Variants in ZNF154 observed in about 807,000 individuals in gnomAD.
ZNF154 encodes zinc finger protein 154.
Under a neutral mutation model 7.5 loss-of-function variants are expected in ZNF154, and 6 were observed. The observed-to-expected ratio is 0.80, with a 90% CI of 0.44 to 1.57. The LOEUF is 1.57. Among genes scored for constraint, ZNF154 ranks in the 40% most tolerant of loss-of-function variants. The probability of loss-of-function intolerance (pLI) is 0.01; values close to 1 mark genes in which losing one functional copy is unlikely to be tolerated. For missense variants in ZNF154, 485 were observed against 531.4 expected, an observed-to-expected ratio of 0.91 and a Z score of 0.86; for synonymous variants, 187 against 185.9, an observed-to-expected ratio of 1.01 and a Z score of -0.05.
chr19:57,707,693 C>T (rs1985447775), intron 1 of ZNF154, among the ~76,000 whole-genome samples: 1 of 152,206 alleles, frequency 6.6e-6, no homozygotes, highest in Non-Finnish European at 1.5e-5. Flanking sequence ...TGACTCCTTC[C>T]CCCTGCTCTT....
Position 57,700,454 on chromosome 19 carries a change from AT to A in ZNF154, c.*1180del, listed in dbSNP as rs1985077562. 1 of 152,218 alleles carries A rather than the reference AT, an allele frequency of 6.6e-6. No homozygotes were observed. The highest frequency in any genetic ancestry group is 1.5e-5 in the Non-Finnish European group (1 of 68,030). The allele number at this position is 152,218 out of a possible 1,614,324, so 9.4% of individuals were successfully genotyped here. A position where few individuals can be genotyped will look rare whatever the true frequency, so the allele number is the denominator to read the frequency against. On this transcript the variant is annotated 3_prime_UTR_variant, in exon 3 of 3. Transcript: ENST00000684351. Reference sequence around the variant, plus strand: ...ATGGAAACCTCTGTAAAAGGGGCACATTCTATTTATTGCAGTGTTATTGCAG... The same window carrying A: ...ATGGAAACCTCTGTAAAAGGGGCACATCTATTTATTGCAGTGTTATTGCAG...
rs781064572 is a variant in ZNF154 at position 57,704,970 on chromosome 19, T to A, written c.43A>T (p.Thr15Ser). The change falls in exon 2 of 3, where the codon ACC (threonine) becomes TCC (serine). Residue 15 changes from threonine to serine, a missense_variant. By Grantham distance (58) the Thr-to-Ser change is moderately conservative. Coordinates refer to ENST00000684351, the MANE Select transcript of ZNF154 (RefSeq NM_001085384.3). ...AAGTGTACGGCCACATCTTCAAAGG[T>A]CACAGTGCCCTGCCACAATGGGAAC... ...TLRTPTQGTV[T>S]FEDVAVHFSW... The A allele has an allele frequency of 6.2e-7, 1 of 1,610,550 alleles. No homozygotes were observed. Among genetic ancestry groups the A allele is most frequent in the African/African-American group, 1.3e-5 (1 of 74,498 alleles).
At chr19:57,705,016 C>T (rs770507977) in intron 1 of ZNF154, 37 bp from the exon 2 acceptor site, 38 of 1,584,006 alleles carry the variant, frequency 2.4e-5, no homozygotes, top group Admixed American at 9.6e-5. Flanking sequence ...ACCAAGAGCC[C>T]CTATCCCAAG....
intron 1 of ZNF154, among the ~76,000 whole-genome samples, chr19:57,708,541 C>G (rs1216465073): frequency 6.6e-6 from 1 of 152,124 alleles, no homozygotes; most frequent in Non-Finnish European, 1.5e-5. Context: ...TCATTGCACT[C>G]CAGCCTGGGC....
At chr19:57,703,479 C>T (rs1233281748) in intron 2 of ZNF154, among the ~76,000 whole-genome samples, 6 of 81,220 alleles carry the variant, frequency 7.4e-5, no homozygotes, top group Admixed American at 2.9e-4. Context: ...AAGGAGACTC[C>T]GTCTCAAAAA....
chr19:57,702,911 T>TG, intron 2 of ZNF154, 123 bp from the exon 3 acceptor site: 1 of 919,214 alleles, frequency 1.1e-6, no homozygotes, highest in Non-Finnish European at 1.6e-6. Context: ...CGTCTCACAG[T>TG]GGTGGGCCTT....
At position 57,696,851 on chromosome 19, in the gene ZNF154, C is replaced by G. The variant is rs145464607; in HGVS notation, c.*4784G>C. 6.6e-6 allele frequency among the ~76,000 whole-genome samples: 1 copy of G among 152,334 alleles called. No homozygotes were observed. Among genetic ancestry groups the G allele is most frequent in the African/African-American group, 2.4e-5 (1 of 41,584 alleles). On this transcript the variant is annotated 3_prime_UTR_variant, in exon 3 of 3. Coordinates refer to ENST00000684351, the MANE Select transcript of ZNF154 (RefSeq NM_001085384.3). The stretch of plus-strand genomic sequence containing the variant: ...CCTTGGAAAGAAATCAGGGCTCCAA[C>G]TAGAGCTGCCTTGCTGGAAGCTCGC...
rs567283227 is a variant in ZNF154, at chr19:57,697,774, G to A, written c.*3861C>T. ...GGTGAAGGAAAAAAAAATAGTGAAG[G>A]AAGACTGGAGAAAGGTTCATCTGGC... On this transcript the variant is annotated 3_prime_UTR_variant, in exon 3 of 3. Coordinates refer to ENST00000684351, the MANE Select transcript of ZNF154 (RefSeq NM_001085384.3). The A allele has an allele frequency of 6.6e-6, 1 of 152,188 alleles. No individual in the cohort carries two copies. Among genetic ancestry groups the A allele is most frequent in the African/African-American group, 2.4e-5 (1 of 41,526 alleles). The allele number at this position is 152,188 out of a possible 1,614,324, so 9.4% of individuals were successfully genotyped here. A position where few individuals can be genotyped will look rare whatever the true frequency, so the allele number is the denominator to read the frequency against.
At position 57,699,542 on chromosome 19, in the gene ZNF154, C is replaced by T; in HGVS notation, c.*2093G>A. 1 of 273,222 alleles carries T rather than the reference C, an allele frequency of 3.7e-6. No homozygotes were observed. Among genetic ancestry groups the T allele is most frequent in the South Asian group, 3.6e-5 (1 of 27,974 alleles). The allele number at this position is 273,222 out of a possible 1,614,324, so 16.9% of individuals were successfully genotyped here. ...CAAGAGCCTTGAAGAGAAGTAGTGG[C>T]CAGCCACTGGAAGTTGACAATGACC... is the stretch of plus-strand genomic sequence containing the variant. On this transcript the variant is annotated 3_prime_UTR_variant, in exon 3 of 3. Transcript: ENST00000684351.
chr19:57,708,489 C>T (rs1985486956), intron 1 of ZNF154, among the ~76,000 whole-genome samples: 1 of 152,130 alleles, frequency 6.6e-6, no homozygotes, highest in Admixed American at 6.5e-5. Context: ...AGGAGAATCG[C>T]TTGAACCCGG....
rs961021536 is a variant in ZNF154, at chr19:57,697,088, C to A, written c.*4547G>T. Among the ~76,000 whole-genome samples, 1 of 152,176 alleles carries A rather than the reference C, an allele frequency of 6.6e-6. No individual in the cohort carries two copies. Among genetic ancestry groups the A allele is most frequent in the African/African-American group, 2.4e-5 (1 of 41,434 alleles). On this transcript the variant is annotated 3_prime_UTR_variant, in exon 3 of 3. Transcript: ENST00000684351. ...TTATCTTGAAAACGTGTGTAATGGGCTACATCTGCTAGGCCATATGAAGGA... is the reference window on the plus strand; with the variant it reads ...TTATCTTGAAAACGTGTGTAATGGGATACATCTGCTAGGCCATATGAAGGA...
At position 57,701,611 on chromosome 19, in the gene ZNF154, C is replaced by T; in HGVS notation, c.*24G>A. On this transcript the variant is annotated 3_prime_UTR_variant, in exon 3 of 3. Coordinates refer to ENST00000684351, the MANE Select transcript of ZNF154 (RefSeq NM_001085384.3). ...TTTCTCCAGGGTGCTAACAGATTTTCCACATTTGCCACTCATAAGGCTTTT... is the reference window on the plus strand; with the variant it reads ...TTTCTCCAGGGTGCTAACAGATTTTTCACATTTGCCACTCATAAGGCTTTT... The T allele has an allele frequency of 2.5e-6, 4 of 1,600,292 alleles. No homozygotes were observed. Among genetic ancestry groups the T allele is most frequent in the Non-Finnish European group, 3.4e-6 (4 of 1,171,322 alleles).
rs543379660 is a variant in ZNF154, at chr19:57,704,035, A to G, written c.160+818T>C. ...AAAAAAAAGAGTATGTGCATACCTC[A>G]TGACACACTATATAGAGGCTAACGT... On this transcript the variant is annotated intron_variant, in intron 2 of 2. Coordinates refer to ENST00000684351, the MANE Select transcript of ZNF154 (RefSeq NM_001085384.3). Among the ~76,000 whole-genome samples the G allele has an allele frequency of 7.9e-4, 121 of 152,308 alleles. 2 individuals are homozygous for G. Among genetic ancestry groups the G allele is most frequent in the East Asian group, 2.3e-3 (12 of 5,186 alleles).
At position 57,702,757 on chromosome 19, in the gene ZNF154, T is replaced by C; in HGVS notation, c.192A>G (p.Glu64=). Residue 64 remains glutamate, a synonymous_variant, in exon 3 of 3, where the codon GAA becomes GAG. Coordinates refer to ENST00000684351, the MANE Select transcript of ZNF154 (RefSeq NM_001085384.3). ...TGCCCACATTGCTTCTGAAATGTTT[T>C]TCTCCAAGGTGCTGCTTCTGATGAT... ...DVHHQKQHLG[E]KHFRSNVGRA... The C allele has an allele frequency of 6.2e-7, 1 of 1,602,328 alleles. No homozygotes were observed. Among genetic ancestry groups the C allele is most frequent in the Middle Eastern group, 1.7e-4 (1 of 6,026 alleles).
At chr19:57,702,825 C>T (rs768532739) in intron 2 of ZNF154, 37 bp from the exon 3 acceptor site, 1 of 1,562,090 alleles carries the variant, frequency 6.4e-7, no homozygotes, top group East Asian at 2.3e-5. Context: ...CATGCCCCAC[C>T]TCTATATAAT....
intron 1 of ZNF154, among the ~76,000 whole-genome samples, chr19:57,706,315 G>A (rs1876505020): frequency 6.6e-6 from 1 of 152,124 alleles, no homozygotes; most frequent in African/African-American, 2.4e-5. Flanking sequence ...AACCACATGT[G>A]CATCTCAGAT....
At chr19:57,703,063 A>G (rs1370269259) in intron 2 of ZNF154, among the ~76,000 whole-genome samples, 4 of 152,188 alleles carry the variant, frequency 2.6e-5, no homozygotes, top group Non-Finnish European at 5.9e-5. Context: ...CACATTAACT[A>G]TGGTGGGAGG....
At position 57,699,984 on chromosome 19, in the gene ZNF154, A is replaced by T. The variant is rs1021017334; in HGVS notation, c.*1651T>A. On this transcript the variant is annotated 3_prime_UTR_variant, in exon 3 of 3. Coordinates refer to ENST00000684351, the MANE Select transcript of ZNF154 (RefSeq NM_001085384.3). Reference sequence around the variant, plus strand: ...CAAGACTCTGACTCAAAAAAAAATAAAAATAAAAATAAATCATGGTTCAAA... The same window carrying T: ...CAAGACTCTGACTCAAAAAAAAATATAAATAAAAATAAATCATGGTTCAAA... 3 of 152,162 alleles carry T rather than the reference A, an allele frequency of 2.0e-5. No individual in the cohort carries two copies. Among genetic ancestry groups the T allele is most frequent in the African/African-American group, 7.2e-5 (3 of 41,430 alleles). 9.4% of individuals were successfully genotyped at this position (152,162 alleles called of 1,614,324 possible). A position where few individuals can be genotyped will look rare whatever the true frequency, so the allele number is the denominator to read the frequency against.
intron 1 of ZNF154, among the ~76,000 whole-genome samples, chr19:57,705,560 C>A (rs139715163): frequency 3.3e-5 from 5 of 152,188 alleles, no homozygotes; most frequent in African/African-American, 7.2e-5. Context: ...TCAAGACCAG[C>A]CTGACCAATA....
Sources: gnomAD v4.1 joint callset for allele counts (sites outside exome capture counted in the v4.1 genomes callset) on GRCh38, gnomAD v4.1.1 for gene constraint, MANE v1.5 for transcripts, NCBI Gene and HGNC (gene_info 2026-07-23, HGNC 2026-07-21) for gene names.